SORT1: variants seen among roughly 807,000 people sequenced by gnomAD.
The protein encoded by SORT1 is sortilin.
A neutral mutation model predicts 101.7 loss-of-function variants in SORT1; 39 were observed. The ratio of observed to expected loss-of-function variants is 0.38; its 90% CI spans 0.30 to 0.50. SORT1 has a LOEUF of 0.50. Among genes scored for constraint, SORT1 ranks in the 20% least tolerant of loss-of-function variants. SORT1 has a pLI of 0.90. For synonymous variants in SORT1, 396 were observed against 393.7 expected (o/e 1.01, Z -0.07); for missense variants, 878 against 1,040.4 (o/e 0.84, Z 2.15).
At chr1:109,314,907 CT>C in intron 17 of SORT1, 129 bp from the exon 18 acceptor site, 1 of 565,936 alleles carries the variant, frequency 1.8e-6, no homozygotes, top group Non-Finnish European at 3.3e-6. Context: ...AATGATGGCT[CT>C]TTTCCAACCC....
chr1:109,353,048 G>A (rs1411656305), intron 5 of SORT1, among the ~76,000 whole-genome samples: 2 of 152,016 alleles, frequency 1.3e-5, no homozygotes, highest in Admixed American at 6.5e-5. Context: ...CTCTGAGGCC[G>A]GACACAGTGG....
At position 109,380,813 on chromosome 1, in the gene SORT1, CA is replaced by C. The variant is rs60568166; in HGVS notation, c.307-11225del. Among the ~76,000 whole-genome samples, 61 of 49,228 alleles carry C rather than the reference CA, an allele frequency of 1.2e-3. No homozygotes were observed. In the South Asian group the frequency reaches 0.017, roughly 14 times the overall value. 32.3% of individuals were successfully genotyped at this position (49,228 alleles called of 152,430 possible). On this transcript the variant is annotated intron_variant, in intron 1 of 19. Coordinates refer to ENST00000256637, the MANE Select transcript of SORT1 (RefSeq NM_002959.7). The stretch of plus-strand genomic sequence containing the variant: ...GCAACATGGCAAAACCCTGTCGCCA[CA>C]AAAAAAAAAAAAAAAAAAAAAAAAA...
At chr1:109,376,330 C>CAA (rs35117356) in intron 1 of SORT1, among the ~76,000 whole-genome samples, 72 of 93,720 alleles carry the variant, frequency 7.7e-4, no homozygotes, top group African/African-American at 2.1e-3. Flanking sequence ...GACTCCATCT[C>CAA]AAAAAAAAAA....
At chr1:109,341,675 A>G (rs561826010) in intron 9 of SORT1, among the ~76,000 whole-genome samples, 17 of 152,142 alleles carry the variant, frequency 1.1e-4, no homozygotes, top group Admixed American at 8.5e-4. Context: ...TTGTCATTAG[A>G]TCCAACAGAC....
chr1:109,357,424 A>T (rs1650398984), intron 3 of SORT1, among the ~76,000 whole-genome samples: 1 of 152,264 alleles, frequency 6.6e-6, no homozygotes. Flanking sequence ...TGAAGTGAAC[A>T]TCTTGTCCAA....
chr1:109,357,783 A>G (rs1650431308), intron 3 of SORT1, among the ~76,000 whole-genome samples: 3 of 152,238 alleles, frequency 2.0e-5, no homozygotes, highest in Non-Finnish European at 4.4e-5. Flanking sequence ...ACACACACAC[A>G]GAAAATTCCT....
intron 15 of SORT1, among the ~76,000 whole-genome samples, chr1:109,320,346 CCTT>C (rs1451010437): frequency 1.3e-5 from 2 of 152,168 alleles, no homozygotes; most frequent in African/African-American, 4.8e-5. Context: ...GCCAGGCTCT[CCTT>C]ATCATTTCCG....
chr1:109,346,597 T>A (rs1362299708), intron 7 of SORT1, among the ~76,000 whole-genome samples: 10 of 151,670 alleles, frequency 6.6e-5, no homozygotes, highest in Non-Finnish European at 7.4e-5. Context: ...TACAAAAAAT[T>A]AGCCGGGCGT....
At chr1:109,315,533 C>T (rs1418490327) in intron 17 of SORT1, among the ~76,000 whole-genome samples, 2 of 152,064 alleles carry the variant, frequency 1.3e-5, no homozygotes, top group Non-Finnish European at 2.9e-5. Flanking sequence ...TTAATCCCAC[C>T]CCTTGTCAGT....
At chr1:109,393,005 TC>T (rs1423625546) in intron 1 of SORT1, 55 of 985,292 alleles carry the variant, frequency 5.6e-5, no homozygotes, top group Non-Finnish European at 6.5e-5. Flanking sequence ...GTTAGGAAGT[TC>T]CGGGGCATTA....
intron 4 of SORT1, 35 bp from the exon 5 acceptor site, chr1:109,354,566 G>A (rs1252904924): frequency 1.9e-6 from 3 of 1,542,178 alleles, no homozygotes; most frequent in African/African-American, 2.7e-5. Flanking sequence ...TTCAGGGTAT[G>A]ATACTATCTA....
intron 8 of SORT1, among the ~76,000 whole-genome samples, chr1:109,344,371 T>C (rs1216794512): frequency 5.3e-5 from 8 of 152,306 alleles, no homozygotes; most frequent in East Asian, 1.9e-4. Flanking sequence ...CACATCCTAA[T>C]TGTGATCTAC....
At chr1:109,327,997 C>G (rs759670359) in intron 11 of SORT1, among the ~76,000 whole-genome samples, 1 of 152,202 alleles carries the variant, frequency 6.6e-6, no homozygotes, top group Non-Finnish European at 1.5e-5. Flanking sequence ...ACTTATTTCA[C>G]TTGGCATAAT....
rs543758148 is a variant in SORT1 at position 109,313,866 on chromosome 1, G to A, written c.*177C>T. Reference sequence around the variant, plus strand: ...AGCCAATTGTAAAAAAGTGCTCAGGGTTCCCCACCCCCACCCTGCATTTCT... The same window carrying A: ...AGCCAATTGTAAAAAAGTGCTCAGGATTCCCCACCCCCACCCTGCATTTCT... On this transcript the variant is annotated 3_prime_UTR_variant, in exon 20 of 20. Transcript: ENST00000256637. 27 of 580,086 alleles carry A rather than the reference G, an allele frequency of 4.7e-5. No individual in the cohort carries two copies. In the African/African-American group the frequency reaches 4.9e-4, roughly 11 times the overall value. 35.9% of individuals were successfully genotyped at this position (580,086 alleles called of 1,614,324 possible).
At chr1:109,327,228 G>T in intron 12 of SORT1, 68 bp from the exon 13 acceptor site, 1 of 1,236,306 alleles carries the variant, frequency 8.1e-7, no homozygotes, top group South Asian at 1.4e-5. Flanking sequence ...ACTCCAGAGA[G>T]AATAATGTTG....
rs912946341 is a variant in SORT1 at position 109,324,803 on chromosome 1, T to A, written c.1834+96A>T. On this transcript the variant is annotated intron_variant, in intron 14 of 19. Transcript: ENST00000256637. Reference sequence around the variant, plus strand: ...CAATCCTCTTTCATATGCATATGCATCTGCTGATTCCAGCTAAAAGAAATT... The same window carrying A: ...CAATCCTCTTTCATATGCATATGCAACTGCTGATTCCAGCTAAAAGAAATT... 49 of 796,318 alleles carry A rather than the reference T, an allele frequency of 6.2e-5. 1 individual carries two copies. In the Admixed American group the frequency reaches 7.3e-4, roughly 12 times the overall value. 49.3% of individuals were successfully genotyped at this position (796,318 alleles called of 1,614,324 possible).
In SORT1 at chr1:109,354,238, A is replaced by G. The variant is rs1283485956; in HGVS notation, c.708+129T>C. 4 of 645,286 alleles carry G rather than the reference A, an allele frequency of 6.2e-6. No homozygotes were observed. In the East Asian group the frequency reaches 1.2e-4, roughly 19 times the overall value. 40.0% of individuals were successfully genotyped at this position (645,286 alleles called of 1,614,324 possible). On this transcript the variant is annotated intron_variant, in intron 5 of 19. Coordinates refer to ENST00000256637, the MANE Select transcript of SORT1 (RefSeq NM_002959.7). ...ATAGGAAAAAACGTCAAAAAAATAC[A>G]TACTTCATGCCATAAGGAGACTTGA...
intron 1 of SORT1, among the ~76,000 whole-genome samples, chr1:109,391,838 G>C (rs553487192): frequency 6.6e-6 from 1 of 152,278 alleles, no homozygotes; most frequent in South Asian, 2.1e-4. Flanking sequence ...ACAAATCACT[G>C]AGACCACATA....
chr1:109,314,513 G>T, intron 18 of SORT1, 129 bp from the exon 19 acceptor site: 1 of 1,239,512 alleles, frequency 8.1e-7, no homozygotes. Context: ...GTCCATGGTT[G>T]ACATATGAAA....
Sources: gnomAD v4.1 joint callset for allele counts (sites outside exome capture counted in the v4.1 genomes callset) on GRCh38, gnomAD v4.1.1 for gene constraint, MANE v1.5 for transcripts, NCBI Gene and HGNC (gene_info 2026-07-23, HGNC 2026-07-21) for gene names.